The following PDE10A variants were observed in gnomAD, a reference collection of about 807,000 sequenced individuals.
The protein encoded by PDE10A is phosphodiesterase 10A.
PDE10A carries 39 observed loss-of-function variants against 97.7 expected under a neutral mutation model. The observed-to-expected ratio is 0.40, with a 90% CI of 0.31 to 0.52. The LOEUF is 0.52. Ranked by LOEUF, PDE10A falls within the 20% of genes least tolerant of loss-of-function variation. The pLI is 0.56. For synonymous variants in PDE10A, 371 were observed against 376.8 expected (o/e 0.98, Z 0.18); for missense variants, 731 against 1,047.8 (o/e 0.70, Z 4.17).
chr6:165,414,055 G>A (rs1392617652), intron 12 of PDE10A, among the ~76,000 whole-genome samples: 1 of 152,164 alleles, frequency 6.6e-6, no homozygotes, highest in Non-Finnish European at 1.5e-5. Flanking sequence ...ATCCTTTGAA[G>A]TTGATCGTGT....
chr6:165,908,745 T>C (rs566739370), intron 1 of PDE10A: 2 of 152,350 alleles, frequency 1.3e-5, no homozygotes, highest in East Asian at 3.9e-4. Flanking sequence ...ATAGGATGTG[T>C]CTTTTCACTG....
intron 10 of PDE10A, among the ~76,000 whole-genome samples, chr6:165,427,786 T>C (rs1789272168): frequency 6.6e-6 from 1 of 152,154 alleles, no homozygotes; most frequent in African/African-American, 2.4e-5. Flanking sequence ...AGCTACTCAC[T>C]GATTTACAAA....
chr6:165,633,952 C>T (rs1156871744), intron 1 of PDE10A, among the ~76,000 whole-genome samples: 1 of 152,090 alleles, frequency 6.6e-6, no homozygotes, highest in African/African-American at 2.4e-5. Context: ...CAAATGTAAA[C>T]AGACTCATAG....
chr6:165,875,129 GT>G (rs1781298524), intron 1 of PDE10A, among the ~76,000 whole-genome samples: 2 of 152,180 alleles, frequency 1.3e-5, no homozygotes, highest in African/African-American at 2.4e-5. Flanking sequence ...GGTGCCTTGG[GT>G]TCATCTTTTA....
At chr6:165,621,807 G>C (rs1788152997) in intron 1 of PDE10A, among the ~76,000 whole-genome samples, 1 of 151,524 alleles carries the variant, frequency 6.6e-6, no homozygotes, top group African/African-American at 2.4e-5. Context: ...TTGACATAAA[G>C]GACCAAATCC....
intron 1 of PDE10A, among the ~76,000 whole-genome samples, chr6:165,826,016 T>C (rs1006373347): frequency 9.9e-5 from 15 of 152,204 alleles, no homozygotes; most frequent in African/African-American, 3.6e-4. Context: ...CTTCTCAAGC[T>C]CCTGAGACAC....
chr6:165,914,461 C>T (rs1782550887), intron 1 of PDE10A, among the ~76,000 whole-genome samples: 1 of 152,216 alleles, frequency 6.6e-6, no homozygotes, highest in Non-Finnish European at 1.5e-5. Flanking sequence ...CAAGTTGCCC[C>T]TCACGTTATC....
chr6:165,378,413 C>T (rs780651899), intron 18 of PDE10A, among the ~76,000 whole-genome samples: 124 of 152,152 alleles, frequency 8.1e-4, no homozygotes, highest in South Asian at 4.1e-4. Flanking sequence ...GACATGCAAA[C>T]AGGAACAGGA....
chr6:165,948,685 T>C (rs1424466957), intron 1 of PDE10A: 1 of 152,412 alleles, frequency 6.6e-6, no homozygotes, highest in East Asian at 1.9e-4. Context: ...AGAGCCAAGA[T>C]TGCTGTGGGT....
At chr6:165,827,794 T>A (rs1417607138) in intron 1 of PDE10A, among the ~76,000 whole-genome samples, 1 of 152,200 alleles carries the variant, frequency 6.6e-6, no homozygotes, top group African/African-American at 2.4e-5. Context: ...TTGTCTTGTA[T>A]CCCTTGTCCC....
chr6:165,516,049 T>C (rs920418132), intron 2 of PDE10A, among the ~76,000 whole-genome samples: 2 of 152,204 alleles, frequency 1.3e-5, no homozygotes, highest in Non-Finnish European at 2.9e-5. Context: ...TTCCTTGGCT[T>C]TAAGAATTTA....
intron 1 of PDE10A, among the ~76,000 whole-genome samples, chr6:165,617,967 T>C (rs2128405166): frequency 6.6e-6 from 1 of 152,282 alleles, no homozygotes; most frequent in East Asian, 1.9e-4. Flanking sequence ...GGTTCACTCC[T>C]GTAATCCCAG....
chr6:165,961,942 T>C (rs891051814), intron 1 of PDE10A, among the ~76,000 whole-genome samples: 1 of 152,242 alleles, frequency 6.6e-6, no homozygotes, highest in African/African-American at 2.4e-5. Flanking sequence ...GCGTGACTTT[T>C]GTGGAGCATT....
intron 1 of PDE10A, among the ~76,000 whole-genome samples, chr6:165,868,910 A>G (rs1370759787): frequency 6.6e-6 from 1 of 151,940 alleles, no homozygotes; most frequent in Admixed American, 6.5e-5. Context: ...CAGAATGAAG[A>G]ACAAAATCCA....
intron 1 of PDE10A, among the ~76,000 whole-genome samples, chr6:165,646,135 G>A (rs139274162): frequency 6.6e-6 from 1 of 152,294 alleles, no homozygotes; most frequent in Non-Finnish European, 1.5e-5. Flanking sequence ...GAGGGCAAAG[G>A]CCTCACTGCA....
chr6:165,368,599 C>T (rs1226696608), intron 18 of PDE10A, among the ~76,000 whole-genome samples: 1 of 152,134 alleles, frequency 6.6e-6, no homozygotes, highest in East Asian at 1.9e-4. Context: ...ACTCCCCCAA[C>T]ACAAATAGCT....
intron 3 of PDE10A, among the ~76,000 whole-genome samples, chr6:165,452,019 G>A (rs939800990): frequency 3.3e-5 from 5 of 152,216 alleles, no homozygotes; most frequent in Non-Finnish European, 7.3e-5. Flanking sequence ...TGCTAGATTT[G>A]GCTGATGATG....
At chr6:165,540,966 AGAAGGGAGGAAAGAAT>A (rs1377940572) in intron 2 of PDE10A, among the ~76,000 whole-genome samples, 1 of 152,160 alleles carries the variant, frequency 6.6e-6, no homozygotes, top group Non-Finnish European at 1.5e-5. Flanking sequence ...AAGAAAGGAA[AGAAGGGAGGAAAGAAT>A]GAAGGGAGGA....
chr6:165,805,932 C>T (rs796656303), intron 1 of PDE10A, among the ~76,000 whole-genome samples: 1 of 150,974 alleles, frequency 6.6e-6, no homozygotes, highest in Admixed American at 6.6e-5. Flanking sequence ...AGGAAGAATC[C>T]TCTTGTGTAT....
Sources: allele counts gnomAD v4.1 joint callset (sites outside exome capture counted in the v4.1 genomes callset), GRCh38; gene constraint gnomAD v4.1.1; transcripts MANE v1.5; gene names NCBI Gene and HGNC (gene_info 2026-07-23, HGNC 2026-07-21).